The following RO60 variants were observed in gnomAD, a reference collection of about 807,000 sequenced individuals.
RO60 encodes the protein Ro60, Y RNA binding protein.
RO60 carries 20 observed loss-of-function variants against 55.3 expected under a neutral mutation model. The observed-to-expected ratio is 0.36, with a 90% confidence interval of 0.25 to 0.53. The LOEUF (loss-of-function observed/expected upper bound fraction) is 0.53, where lower values mean the gene tolerates loss of function less well. Ranked by LOEUF, RO60 falls within the 20% of genes least tolerant of loss-of-function variation. The probability of loss-of-function intolerance (pLI) is 0.92; values close to 1 mark genes in which losing one functional copy is unlikely to be tolerated. For synonymous variants in RO60, 213 were observed against 213.6 expected, an observed-to-expected ratio of 1.00 and a Z score of 0.02; for missense variants, 558 against 646.6, an observed-to-expected ratio of 0.86 and a Z score of 1.49.
intron 5 of RO60, among the ~76,000 whole-genome samples, chr1:193,078,443 T>C (rs552584722): frequency 1.1e-4 from 16 of 152,226 alleles, no homozygotes; most frequent in African/African-American, 3.9e-4. Flanking sequence ...ATGAAAGACA[T>C]TGCAATTGGA....
intron 1 of RO60, among the ~76,000 whole-genome samples, chr1:193,061,399 A>AC (rs1672709656): frequency 6.6e-6 from 1 of 152,238 alleles, no homozygotes; most frequent in Non-Finnish European, 1.5e-5. Flanking sequence ...TTTAAAAAGG[A>AC]ATAATCTGCA....
intron 1 of RO60, chr1:193,060,093 C>T (rs1572040574): frequency 8.0e-7 from 1 of 1,243,486 alleles, no homozygotes; most frequent in Non-Finnish European, 1.0e-6. Context: ...TTTACTCCTC[C>T]TCTTTCTCCT....
At chr1:193,064,843 C>T (rs558109101) in intron 1 of RO60, among the ~76,000 whole-genome samples, 2 of 152,320 alleles carry the variant, frequency 1.3e-5, no homozygotes, top group South Asian at 4.1e-4. Context: ...GAGATTACCT[C>T]TTAGACATCC....
chr1:193,088,761 G>A lies in RO60; in HGVS notation c.*4030G>A, dbSNP rs773657246. 2 of 152,088 alleles carry A rather than the reference G, an allele frequency of 1.3e-5. No homozygotes were observed. Among genetic ancestry groups the A allele is most frequent in the Non-Finnish European group, 2.9e-5 (2 of 67,988 alleles). The allele number at this position is 152,088 out of a possible 1,614,324, so 9.4% of individuals were successfully genotyped here. On this transcript the variant is annotated 3_prime_UTR_variant, in exon 9 of 9. Coordinates refer to ENST00000400968, the MANE Select transcript of RO60 (RefSeq NM_001173524.2). The stretch of plus-strand genomic sequence containing the variant: ...CAAGAAAGAATTTGTAAAAAAAAAT[G>A]ACAGGTTAATCAATGAAATTAGTTG...
chr1:193,082,054 A>G, intron 6 of RO60, 132 bp from the exon 7 acceptor site: 1 of 678,540 alleles, frequency 1.5e-6, no homozygotes, highest in South Asian at 1.7e-5. Flanking sequence ...GTTAATGTAT[A>G]GTTCTAAAAC....
At chr1:193,061,281 C>G (rs1672672832) in intron 1 of RO60, among the ~76,000 whole-genome samples, 1 of 152,206 alleles carries the variant, frequency 6.6e-6, no homozygotes, top group Non-Finnish European at 1.5e-5. Flanking sequence ...TCAGTGGATT[C>G]AGATACCTGT....
rs913013702 is a variant in RO60 at position 193,069,049 on chromosome 1, A to C, written c.-6A>C. ...TTTTTGTTAGGTTTCCTAAAGACAA[A>C]AAAAAATGGAGGAATCTGTAAACCA... is the stretch of plus-strand genomic sequence containing the variant. On this transcript the variant is annotated 5_prime_UTR_variant, in exon 2 of 9. Coordinates refer to ENST00000400968, the MANE Select transcript of RO60 (RefSeq NM_001173524.2). 3.1e-6 allele frequency: 5 copies of C among 1,596,148 alleles called. No individual in the cohort carries two copies. The highest frequency in any genetic ancestry group is 4.3e-6 in the Non-Finnish European group (5 of 1,169,916).
chr1:193,072,633 A>G lies in RO60; in HGVS notation c.580+2999A>G, dbSNP rs542006369. ...ATTATTTTTTACATTTAAATTTTTTATCCAAATATTTGATCCAACATAAGA... is the reference window on the plus strand; with the variant it reads ...ATTATTTTTTACATTTAAATTTTTTGTCCAAATATTTGATCCAACATAAGA... On this transcript the variant is annotated intron_variant, in intron 2 of 8. Transcript: ENST00000400968. Among the ~76,000 whole-genome samples the G allele has an allele frequency of 7.9e-5, 12 of 152,206 alleles. 1 individual carries two copies. The South Asian group carries it at 2.5e-3, about 32-fold the overall frequency.
chr1:193,064,733 A>T (rs954980427), intron 1 of RO60, among the ~76,000 whole-genome samples: 1 of 152,218 alleles, frequency 6.6e-6, no homozygotes, highest in African/African-American at 2.4e-5. Flanking sequence ...CTGAAAGGGT[A>T]TGTCCTCAGG....
At position 193,086,039 on chromosome 1, in the gene RO60, C is replaced by T; in HGVS notation, c.*1308C>T. Reference sequence around the variant, plus strand: ...CGTCTAAGGTAGCTTACACATAAAACCTGTTTGCGTATCTGTTGTTCTCTA... The same window carrying T: ...CGTCTAAGGTAGCTTACACATAAAATCTGTTTGCGTATCTGTTGTTCTCTA... On this transcript the variant is annotated 3_prime_UTR_variant, in exon 9 of 9. Transcript: ENST00000400968. 4.1e-6 allele frequency: 4 copies of T among 984,132 alleles called. No homozygotes were observed. The highest frequency in any genetic ancestry group is 4.8e-6 in the Non-Finnish European group (4 of 828,842). 61.0% of individuals were successfully genotyped at this position (984,132 alleles called of 1,614,324 possible).
intron 7 of RO60, 87 bp downstream of exon 7, chr1:193,082,386 TC>T (rs1674373506): frequency 1.5e-6 from 2 of 1,349,718 alleles, no homozygotes; most frequent in East Asian, 4.6e-5. Context: ...ATGGTATTAA[TC>T]TGTGAGAACA....
In RO60 at chr1:193,084,998, A is replaced by G; in HGVS notation, c.*267A>G. 6.5e-7 allele frequency: 1 copy of G among 1,545,028 alleles called. No individual in the cohort carries two copies. Among genetic ancestry groups the G allele is most frequent in the Non-Finnish European group, 8.7e-7 (1 of 1,145,392 alleles). ...AACTTTTTGTTAACAGACACTGTAA[A>G]ATAGTTTTGCTTTGTTGAATAATAC... is the stretch of plus-strand genomic sequence containing the variant. On this transcript the variant is annotated 3_prime_UTR_variant, in exon 9 of 9. Coordinates refer to ENST00000400968, the MANE Select transcript of RO60 (RefSeq NM_001173524.2).
Position 193,090,351 on chromosome 1 carries a change from A to G in RO60, c.*5620A>G, listed in dbSNP as rs1674810628. 1 of 152,102 alleles carries G rather than the reference A, an allele frequency of 6.6e-6. No individual in the cohort carries two copies. Among genetic ancestry groups the G allele is most frequent in the Admixed American group, 6.6e-5 (1 of 15,256 alleles). The allele number at this position is 152,102 out of a possible 1,614,324, so 9.4% of individuals were successfully genotyped here. Reference sequence around the variant, plus strand: ...GCTTTATTTGTAACGTAAACTATATATAATCCATACGTAGCCAAATTAGAT... The same window carrying G: ...GCTTTATTTGTAACGTAAACTATATGTAATCCATACGTAGCCAAATTAGAT... On this transcript the variant is annotated 3_prime_UTR_variant, in exon 9 of 9. Transcript: ENST00000400968.
At chr1:193,078,537 C>T (rs908345961) in intron 5 of RO60, among the ~76,000 whole-genome samples, 8 of 152,048 alleles carry the variant, frequency 5.3e-5, no homozygotes, top group African/African-American at 1.7e-4. Context: ...AGCAAAGTTA[C>T]AGGGTATAAA....
At position 193,059,714 on chromosome 1, in the gene RO60, C is replaced by T. The variant is rs1672243264; in HGVS notation, c.-84C>T. 3.7e-6 allele frequency: 5 copies of T among 1,352,554 alleles called. No homozygotes were observed. Among genetic ancestry groups the T allele is most frequent in the South Asian group, 3.5e-5 (3 of 85,696 alleles). The allele number at this position is 1,352,554 out of a possible 1,614,324, so 83.8% of individuals were successfully genotyped here. A position where few individuals can be genotyped will look rare whatever the true frequency, so the allele number is the denominator to read the frequency against. On this transcript the variant is annotated 5_prime_UTR_variant, in exon 1 of 9. Coordinates refer to ENST00000400968, the MANE Select transcript of RO60 (RefSeq NM_001173524.2). The surrounding 1 kb of genome is among the most constrained non-coding windows in gnomAD (Gnocchi z 4.9). ...CAGGCTGCCTTCTTTTGTCGTTTCC[C>T]AGCGCTGCGCAGGACTTCTCCTGGC...
Position 193,084,586 on chromosome 1 carries a change from A to G in RO60, c.1472A>G (p.Asp491Gly), listed in dbSNP as rs200684823. 1.2e-6 allele frequency: 2 copies of G among 1,610,470 alleles called. No individual in the cohort carries two copies. The highest frequency in any genetic ancestry group is 1.7e-6 in the Non-Finnish European group (2 of 1,178,936). Residue 491 changes from aspartate to glycine, a missense_variant, in exon 9 of 9, where the codon GAT becomes GGT. Transcript: ENST00000400968. ...TTTGGTCTTTTTCTACAGAAAATGG[A>G]TATTCCAGCTAAATTGATTGTTTGT... ...IALREYRKKM[D>G]IPAKLIVCGM...
rs1446713765 is a variant in RO60 at position 193,084,721 on chromosome 1, A to G, written c.1607A>G (p.Asp536Gly). 1 of 1,612,522 alleles carries G rather than the reference A, an allele frequency of 6.2e-7. No individual in the cohort carries two copies. Among genetic ancestry groups the G allele is most frequent in the Non-Finnish European group, 8.5e-7 (1 of 1,179,566 alleles). ...ALDVIRNFTL[D>G]MI The stretch of plus-strand genomic sequence containing the variant: ...GATGTAATTCGAAATTTCACATTAG[A>G]TATGATTTAACCATAAGCAGCAGCA... Residue 536 changes from aspartate to glycine, a missense_variant, in exon 9 of 9, where the codon GAT becomes GGT. Asp to Gly is a moderately conservative substitution (Grantham distance 94). Coordinates refer to ENST00000400968, the MANE Select transcript of RO60 (RefSeq NM_001173524.2).
chr1:193,063,409 T>C (rs1253018080), intron 1 of RO60, among the ~76,000 whole-genome samples: 2 of 152,224 alleles, frequency 1.3e-5, no homozygotes, highest in Non-Finnish European at 2.9e-5. Flanking sequence ...ACTTGGGTTA[T>C]TTATCATTTT....
intron 8 of RO60, among the ~76,000 whole-genome samples, chr1:193,083,459 C>T (rs1026379331): frequency 6.6e-6 from 1 of 152,192 alleles, no homozygotes; most frequent in Admixed American, 6.5e-5. Context: ...CTTCACTCTC[C>T]AATGTGGGTT....
Sources: allele counts gnomAD v4.1 joint callset (sites outside exome capture counted in the v4.1 genomes callset), GRCh38; gene constraint gnomAD v4.1.1; non-coding constraint Gnocchi (gnomAD v3.1); transcripts MANE v1.5; gene names NCBI Gene and HGNC (gene_info 2026-07-23, HGNC 2026-07-21).